Variants in PDE8B observed in about 807,000 individuals in gnomAD.
The protein encoded by PDE8B is high affinity cAMP-specific and IBMX-insensitive 3',5'-cyclic phosphodiesterase 8B.
A neutral mutation model predicts 101.3 loss-of-function variants in PDE8B; 26 were observed. That is an observed-to-expected ratio of 0.26 (90% CI 0.19 to 0.36). The LOEUF is 0.36. Ranked by LOEUF, PDE8B falls within the 10% of genes least tolerant of loss-of-function variation. The pLI, the probability that PDE8B is intolerant of heterozygous loss-of-function variation, is 1.00. For synonymous variants in PDE8B, 424 were observed against 429.3 expected, an observed-to-expected ratio of 0.99 and a Z score of 0.15; for missense variants, 810 against 1,163.1, an observed-to-expected ratio of 0.70 and a Z score of 4.42.
At chr5:77,327,223 C>T (rs1776214062) in intron 3 of PDE8B, among the ~76,000 whole-genome samples, 1 of 152,186 alleles carries the variant, frequency 6.6e-6, no homozygotes, top group Admixed American at 6.5e-5. Context: ...ATCCCTCACC[C>T]TTGAGCTAGG....
intron 1 of PDE8B, among the ~76,000 whole-genome samples, chr5:77,249,223 A>G (rs1049454037): frequency 6.6e-6 from 1 of 152,256 alleles, no homozygotes; most frequent in Non-Finnish European, 1.5e-5. Flanking sequence ...AGTAGCAGGT[A>G]TAATGATCCA....
At chr5:77,246,509 C>T (rs908758497) in intron 1 of PDE8B, among the ~76,000 whole-genome samples, 1 of 152,116 alleles carries the variant, frequency 6.6e-6, no homozygotes, top group Non-Finnish European at 1.5e-5. Flanking sequence ...TTTTTAAATG[C>T]CTGAAAGAAA....
chr5:77,352,185 C>T (rs748363248), intron 9 of PDE8B, among the ~76,000 whole-genome samples: 1 of 152,216 alleles, frequency 6.6e-6, no homozygotes, highest in Non-Finnish European at 1.5e-5. Context: ...GGCTGCCCCT[C>T]GGCCCTCCTC....
chr5:77,206,922 A>G (rs935770151), upstream of PDE8B, among the ~76,000 whole-genome samples: 1 of 152,220 alleles, frequency 6.6e-6, no homozygotes, highest in Non-Finnish European at 1.5e-5. Flanking sequence ...GCATTCTCGA[A>G]TGTTGGTGAT....
chr5:77,264,326 T>A (rs1230905376), intron 1 of PDE8B, among the ~76,000 whole-genome samples: 2 of 152,260 alleles, frequency 1.3e-5, no homozygotes, highest in Non-Finnish European at 2.9e-5. Flanking sequence ...TGTGTTTAGC[T>A]GTTTGAGGAA....
intron 17 of PDE8B, among the ~76,000 whole-genome samples, chr5:77,414,982 G>A (rs1392199486): frequency 6.6e-6 from 1 of 152,202 alleles, no homozygotes; most frequent in Non-Finnish European, 1.5e-5. Context: ...TTTAAATTGT[G>A]AGTTCTGCTA....
At chr5:77,202,663 C>T in the PDE8B span, among the ~76,000 whole-genome samples, 3 of 150,738 alleles carry the variant, frequency 2.0e-5, no homozygotes, top group Non-Finnish European at 2.9e-5. Flanking sequence ...GACAGAGTCT[C>T]GCTCTCTTGC....
At chr5:77,290,270 G>A in intron 1 of PDE8B, 1 of 1,559,392 alleles carries the variant, frequency 6.4e-7, no homozygotes, top group Non-Finnish European at 8.7e-7. Flanking sequence ...CTGCCTTCAT[G>A]TCCACTCTCC....
the PDE8B span, among the ~76,000 whole-genome samples, chr5:77,197,886 T>A: frequency 1.9e-5 from 1 of 54,038 alleles, no homozygotes; most frequent in Non-Finnish European, 3.9e-5. Context: ...ACAATGCTTG[T>A]TTTTTTTCAA....
intron 1 of PDE8B, among the ~76,000 whole-genome samples, chr5:77,249,127 T>G (rs1404263138): frequency 2.6e-5 from 4 of 152,248 alleles, no homozygotes; most frequent in African/African-American, 4.8e-5. Context: ...AACCAATATC[T>G]GGCTGGAGAG....
At chr5:77,386,790 A>G (rs1581404666) in intron 10 of PDE8B, among the ~76,000 whole-genome samples, 3 of 150,192 alleles carry the variant, frequency 2.0e-5, no homozygotes, top group Admixed American at 6.6e-5. Context: ...AAAAAAGGTT[A>G]ATATTGTTAT....
At chr5:77,227,800 T>C (rs911786952) in intron 1 of PDE8B, among the ~76,000 whole-genome samples, 42 of 152,328 alleles carry the variant, frequency 2.8e-4, no homozygotes, top group African/African-American at 1.0e-3. Flanking sequence ...TAACTGGGCA[T>C]CAAGCACCTG....
At chr5:77,369,203 C>CAAAA (rs70988667) in intron 10 of PDE8B, among the ~76,000 whole-genome samples, 4,267 of 78,274 alleles carry the variant, frequency 0.055, 255 homozygotes, top group African/African-American at 0.11. Flanking sequence ...TCCACTGTCT[C>CAAAA]AAAAAAAAAA....
the PDE8B span, among the ~76,000 whole-genome samples, chr5:77,108,533 A>G: frequency 6.6e-6 from 1 of 152,214 alleles, no homozygotes; most frequent in South Asian, 2.1e-4. Flanking sequence ...AAATACAAAA[A>G]TTAGCCGGGC....
At chr5:77,179,439 C>T in the PDE8B span, among the ~76,000 whole-genome samples, 1 of 152,150 alleles carries the variant, frequency 6.6e-6, no homozygotes, top group African/African-American at 2.4e-5. Context: ...AAAATCCCTC[C>T]ACCCCAGAGG....
At chr5:77,314,968 C>G (rs1773488751) in intron 2 of PDE8B, among the ~76,000 whole-genome samples, 1 of 152,050 alleles carries the variant, frequency 6.6e-6, no homozygotes. Context: ...GGCCATTCCT[C>G]TATTTTCTTT....
chr5:77,310,552 T>C (rs1162886694), intron 1 of PDE8B, among the ~76,000 whole-genome samples: 1 of 152,256 alleles, frequency 6.6e-6, no homozygotes, highest in Non-Finnish European at 1.5e-5. Flanking sequence ...AGTGAAACAC[T>C]GAAGGAACTT....
the PDE8B span, among the ~76,000 whole-genome samples, chr5:77,130,176 T>C: frequency 6.6e-6 from 1 of 151,944 alleles, no homozygotes; most frequent in East Asian, 1.9e-4. Flanking sequence ...AACAGATAGG[T>C]CTGAGCAATA....
chr5:77,399,994 G>A (rs1325102364), intron 10 of PDE8B, among the ~76,000 whole-genome samples: 2 of 152,318 alleles, frequency 1.3e-5, no homozygotes, highest in African/African-American at 4.8e-5. Context: ...AGAAGTAGAT[G>A]TCCTGTCTAG....
Sources: gnomAD v4.1 joint callset for allele counts (sites outside exome capture counted in the v4.1 genomes callset) on GRCh38, gnomAD v4.1.1 for gene constraint, MANE v1.5 for transcripts, NCBI Gene and HGNC (gene_info 2026-07-23, HGNC 2026-07-21) for gene names.